The following TM9SF3 variants were observed in gnomAD, a reference collection of about 807,000 sequenced individuals.
TM9SF3 encodes transmembrane 9 superfamily member 3.
TM9SF3 carries 14 observed loss-of-function variants against 78.6 expected under a neutral mutation model. The observed-to-expected ratio is 0.18, with a 90% CI of 0.12 to 0.28. The LOEUF (loss-of-function observed/expected upper bound fraction) is 0.28. Among genes scored for constraint, TM9SF3 ranks in the 10% least tolerant of loss-of-function variants. The probability of loss-of-function intolerance (pLI) is 1.00; values close to 1 mark genes in which losing one functional copy is unlikely to be tolerated. For synonymous variants in TM9SF3, 231 were observed against 241.7 expected (o/e 0.96, Z 0.41); for missense variants, 496 against 721.9 (o/e 0.69, Z 3.59).
At chr10:96,541,920 G>A (rs1206499746) in intron 9 of TM9SF3, among the ~76,000 whole-genome samples, 1 of 152,200 alleles carries the variant, frequency 6.6e-6, no homozygotes, top group African/African-American at 2.4e-5. Flanking sequence ...TCCATCCCCA[G>A]ATCCCAGGAA....
intron 11 of TM9SF3, among the ~76,000 whole-genome samples, chr10:96,529,164 T>C (rs749344021): frequency 6.6e-6 from 1 of 152,050 alleles, no homozygotes; most frequent in Non-Finnish European, 1.5e-5. Flanking sequence ...CTAAAGAAGT[T>C]CCTGAACTGA....
chr10:96,586,620 C>G (rs1848634164), intron 1 of TM9SF3, 114 bp downstream of exon 1: 1 of 897,100 alleles, frequency 1.1e-6, no homozygotes, highest in Non-Finnish European at 1.4e-6. Flanking sequence ...AAGGAGTCCT[C>G]GGGCCGCAGT....
chr10:96,558,366 G>C (rs527395463), intron 5 of TM9SF3, among the ~76,000 whole-genome samples: 15 of 152,232 alleles, frequency 9.9e-5, no homozygotes, highest in African/African-American at 2.9e-4. Flanking sequence ...TCCAGGCAGG[G>C]CGCGGTGGCT....
intron 2 of TM9SF3, among the ~76,000 whole-genome samples, chr10:96,568,870 T>C (rs987104852): frequency 6.6e-6 from 1 of 152,074 alleles, no homozygotes; most frequent in Non-Finnish European, 1.5e-5. Context: ...GCATCTATGC[T>C]ATCTCCTTCC....
intron 4 of TM9SF3, 43 bp downstream of exon 4, chr10:96,561,935 G>A: frequency 6.5e-7 from 1 of 1,531,574 alleles, no homozygotes; most frequent in East Asian, 2.3e-5. Flanking sequence ...TTGACATCGG[G>A]TCACAAACAC....
rs1249429730 is a variant in TM9SF3, at chr10:96,586,829, G to A, written c.7C>T (p.Pro3Ser). MR[P>S]LPGALGVAAA... Reference sequence around the variant, plus strand: ...GCCACGCCAAGAGCGCCAGGCAGCGGCCTCATCCTCCGCGCCCCTCCGGCC... The same window carrying A: ...GCCACGCCAAGAGCGCCAGGCAGCGACCTCATCCTCCGCGCCCCTCCGGCC... Residue 3 changes from proline (P) to serine (S), a missense_variant, in exon 1 of 15, where the codon CCG becomes TCG. Pro to Ser is a moderately conservative substitution (Grantham distance 74). Transcript: ENST00000371142. 3 of 1,231,138 alleles carry A rather than the reference G, an allele frequency of 2.4e-6. No individual in the cohort carries two copies. Among genetic ancestry groups the A allele is most frequent in the Non-Finnish European group, 3.0e-6 (3 of 989,198 alleles). 76.3% of individuals were successfully genotyped at this position (1,231,138 alleles called of 1,614,324 possible).
Position 96,521,753 on chromosome 10 carries a change from A to T in TM9SF3, c.*510T>A, listed in dbSNP as rs1243712020. 2 of 152,250 alleles carry T rather than the reference A, an allele frequency of 1.3e-5. No homozygotes were observed. The highest frequency in any genetic ancestry group is 4.8e-5 in the African/African-American group (2 of 41,390). The allele number at this position is 152,250 out of a possible 1,614,324, so 9.4% of individuals were successfully genotyped here. A position where few individuals can be genotyped will look rare whatever the true frequency, so the allele number is the denominator to read the frequency against. ...AAAAAAAAAAGTCAAAAAAGAACCC[A>T]GATTCAATATATAAAAATGTCCCAC... On this transcript the variant is annotated 3_prime_UTR_variant, in exon 15 of 15. Coordinates refer to ENST00000371142, the MANE Select transcript of TM9SF3 (RefSeq NM_020123.4).
chr10:96,578,971 G>T (rs1187937400), intron 1 of TM9SF3, among the ~76,000 whole-genome samples: 1 of 152,182 alleles, frequency 6.6e-6, no homozygotes, highest in Non-Finnish European at 1.5e-5. Flanking sequence ...CAGCTACTTG[G>T]GAGGCTGAGG....
Position 96,586,918 on chromosome 10 carries a change from G to T in TM9SF3, c.-83C>A. The T allele has an allele frequency of 9.2e-7, 1 of 1,082,972 alleles. No individual in the cohort carries two copies. Among genetic ancestry groups the T allele is most frequent in the Non-Finnish European group, 1.1e-6 (1 of 877,194 alleles). The allele number at this position is 1,082,972 out of a possible 1,614,324, so 67.1% of individuals were successfully genotyped here. ...CCTCCGCCGCCGCCGCCTCCGCCGC[G>T]GCCGATTCGCATCCACGGGGCGCGG... On this transcript the variant is annotated 5_prime_UTR_variant, in exon 1 of 15. Coordinates refer to ENST00000371142, the MANE Select transcript of TM9SF3 (RefSeq NM_020123.4).
chr10:96,555,745 C>CA (rs1385677084), intron 5 of TM9SF3, among the ~76,000 whole-genome samples: 2 of 151,968 alleles, frequency 1.3e-5, no homozygotes, highest in African/African-American at 4.8e-5. Context: ...AATGTTTGCT[C>CA]AAAAAAGGTT....
intron 1 of TM9SF3, among the ~76,000 whole-genome samples, chr10:96,583,218 T>C (rs144712616): frequency 1.1e-3 from 161 of 152,290 alleles, no homozygotes; most frequent in African/African-American, 3.7e-3. Context: ...GCATAAGGTA[T>C]TGTCCCTTCT....
chr10:96,536,705 C>T (rs1166209681), intron 9 of TM9SF3, among the ~76,000 whole-genome samples: 1 of 152,160 alleles, frequency 6.6e-6, no homozygotes, highest in Non-Finnish European at 1.5e-5. Context: ...CCTCAGCCTA[C>T]TCGATGTGAT....
At chr10:96,585,631 GAA>G (rs1848620229) in intron 1 of TM9SF3, among the ~76,000 whole-genome samples, 1 of 152,158 alleles carries the variant, frequency 6.6e-6, no homozygotes, top group Non-Finnish European at 1.5e-5. Flanking sequence ...AGGATCCAGC[GAA>G]AAGTTTTGTT....
intron 1 of TM9SF3, among the ~76,000 whole-genome samples, chr10:96,583,068 G>A (rs569223405): frequency 9.2e-6 from 1 of 109,278 alleles, no homozygotes; most frequent in Admixed American, 1.1e-4. Flanking sequence ...CAACAAGAGT[G>A]AAACATAGTC....
intron 2 of TM9SF3, among the ~76,000 whole-genome samples, chr10:96,569,592 A>C (rs117593538): frequency 0.013 from 1,962 of 152,364 alleles, 31 homozygotes; most frequent in Non-Finnish European, 0.016. Flanking sequence ...TGCCTTAAAT[A>C]TGTTTATACC....
At chr10:96,573,481 A>G (rs1158148887) in intron 2 of TM9SF3, among the ~76,000 whole-genome samples, 5 of 152,204 alleles carry the variant, frequency 3.3e-5, no homozygotes, top group African/African-American at 1.2e-4. Context: ...TTAGCAGCAT[A>G]TCCATGCTGG....
At chr10:96,578,028 A>C (rs976803954) in intron 1 of TM9SF3, among the ~76,000 whole-genome samples, 20 of 152,180 alleles carry the variant, frequency 1.3e-4, no homozygotes, top group Admixed American at 1.0e-3. Flanking sequence ...CCATTCTCTC[A>C]GCCATGGAGA....
chr10:96,558,020 T>G (rs11188826), intron 5 of TM9SF3, among the ~76,000 whole-genome samples: 2 of 152,130 alleles, frequency 1.3e-5, no homozygotes, highest in Non-Finnish European at 2.9e-5. Flanking sequence ...GCTTGGCAGA[T>G]AGCAGGTGCT....
At chr10:96,574,988 G>T (rs1171640443) in intron 2 of TM9SF3, among the ~76,000 whole-genome samples, 1 of 151,918 alleles carries the variant, frequency 6.6e-6, no homozygotes, top group Non-Finnish European at 1.5e-5. Context: ...CGGGTTGATG[G>T]GTGCAGCAAA....
Sources: allele counts gnomAD v4.1 joint callset (sites outside exome capture counted in the v4.1 genomes callset), GRCh38; gene constraint gnomAD v4.1.1; transcripts MANE v1.5; gene names NCBI Gene and HGNC (gene_info 2026-07-23, HGNC 2026-07-21).